The following HPSE2 variants were observed in gnomAD, a reference collection of about 807,000 sequenced individuals.
The protein encoded by HPSE2 is inactive heparanase-2.
In HPSE2, 38 loss-of-function variants were observed where a neutral mutation model predicts 60.5. The ratio of observed to expected loss-of-function variants is 0.63; its 90% CI spans 0.48 to 0.82. The LOEUF (loss-of-function observed/expected upper bound fraction) is 0.82, where lower values mean the gene tolerates loss of function less well. Ranked by LOEUF, HPSE2 falls within the 40% of genes least tolerant of loss-of-function variation. HPSE2 has a pLI of 0.00. For synonymous variants in HPSE2, 295 were observed against 293.2 expected (o/e 1.01, Z -0.06); for missense variants, 713 against 740.4 (o/e 0.96, Z 0.43).
intron 3 of HPSE2, chr10:99,013,132 C>T (rs548897850): frequency 2.8e-5 from 19 of 670,050 alleles, no homozygotes; most frequent in Non-Finnish European, 4.8e-5. Context: ...ATTAACCATT[C>T]AAGTCCTTGG....
At chr10:98,775,699 C>A (rs1950325633) in intron 3 of HPSE2, among the ~76,000 whole-genome samples, 2 of 152,088 alleles carry the variant, frequency 1.3e-5, no homozygotes, top group Admixed American at 6.6e-5. Context: ...TATGGCTTTA[C>A]CCCCTACCTA....
intron 2 of HPSE2, among the ~76,000 whole-genome samples, chr10:99,197,261 A>T (rs1275086194): frequency 6.6e-6 from 1 of 152,154 alleles, no homozygotes; most frequent in Non-Finnish European, 1.5e-5. Flanking sequence ...GAAGATGGTT[A>T]ATGGGTACAA....
At chr10:99,232,711 G>T (rs1470851727) in intron 1 of HPSE2, among the ~76,000 whole-genome samples, 7 of 152,230 alleles carry the variant, frequency 4.6e-5, no homozygotes, top group Non-Finnish European at 8.8e-5. Context: ...TGGGGGCTGT[G>T]CCTCCCGCTT....
chr10:98,970,017 A>T (rs1955911229), intron 3 of HPSE2, among the ~76,000 whole-genome samples: 1 of 151,524 alleles, frequency 6.6e-6, no homozygotes, highest in Non-Finnish European at 1.5e-5. Context: ...GCTGGAGTGC[A>T]ATGGCGTGAT....
intron 9 of HPSE2, among the ~76,000 whole-genome samples, chr10:98,531,533 G>A (rs1220349890): frequency 1.3e-5 from 2 of 152,132 alleles, no homozygotes; most frequent in Non-Finnish European, 2.9e-5. Flanking sequence ...GTGCACGTGC[G>A]GGCTAATAAT....
intron 3 of HPSE2, among the ~76,000 whole-genome samples, chr10:98,944,688 G>A (rs1169994922): frequency 6.6e-6 from 1 of 152,074 alleles, no homozygotes; most frequent in Non-Finnish European, 1.5e-5. Flanking sequence ...TTCCTCAAGG[G>A]ACCCACTAAT....
intron 6 of HPSE2, among the ~76,000 whole-genome samples, chr10:98,666,269 C>G (rs1172998428): frequency 1.3e-5 from 2 of 152,240 alleles, no homozygotes; most frequent in East Asian, 3.9e-4. Context: ...GGAGCACCCA[C>G]CCAGATTTAT....
At chr10:98,633,543 C>T (rs1946420256) in intron 7 of HPSE2, among the ~76,000 whole-genome samples, 1 of 152,130 alleles carries the variant, frequency 6.6e-6, no homozygotes, top group Non-Finnish European at 1.5e-5. Context: ...TTTCTTTCTT[C>T]TAGCTTACTT....
intron 9 of HPSE2, among the ~76,000 whole-genome samples, chr10:98,602,564 T>C (rs890225215): frequency 1.3e-5 from 2 of 152,118 alleles, no homozygotes; most frequent in Admixed American, 1.3e-4. Context: ...GTATTGGCCA[T>C]AATCTCTTGA....
At chr10:99,205,109 A>C (rs1282908112) in intron 2 of HPSE2, among the ~76,000 whole-genome samples, 2 of 152,216 alleles carry the variant, frequency 1.3e-5, no homozygotes, top group African/African-American at 4.8e-5. Flanking sequence ...GTAGGAGGGA[A>C]GCAAGGGCTG....
rs1030424568 is a variant in HPSE2, at chr10:98,771,279, T to C, written c.611-27223A>G. ...TACTCAATCAATTAAGCTGGTCTGT[T>C]ATGCTATCAGGGCTATATTGGAAAA... On this transcript the variant is annotated intron_variant, in intron 3 of 11. Coordinates refer to ENST00000370552, the MANE Select transcript of HPSE2 (RefSeq NM_021828.5). Among the ~76,000 whole-genome samples, 5 of 152,280 alleles carry C rather than the reference T, an allele frequency of 3.3e-5. No homozygotes were observed. In the East Asian group the frequency reaches 9.7e-4, roughly 29 times the overall value.
intron 3 of HPSE2, among the ~76,000 whole-genome samples, chr10:98,919,115 A>G (rs1017229305): frequency 2.0e-5 from 3 of 152,204 alleles, no homozygotes; most frequent in African/African-American, 7.2e-5. Flanking sequence ...TAAAGTGATC[A>G]ATGCTGACTA....
the HPSE2 span, among the ~76,000 whole-genome samples, chr10:99,314,172 T>C: frequency 1.3e-5 from 2 of 152,168 alleles, no homozygotes; most frequent in Admixed American, 1.3e-4. Context: ...TTTTTGGTTT[T>C]GGTTTTTTGA....
At chr10:99,201,213 A>T (rs1589813961) in intron 2 of HPSE2, among the ~76,000 whole-genome samples, 1 of 152,144 alleles carries the variant, frequency 6.6e-6, no homozygotes, top group East Asian at 1.9e-4. Context: ...ATTGCAAAGG[A>T]TATTATCCAG....
At chr10:99,200,541 C>T (rs1237197605) in intron 2 of HPSE2, among the ~76,000 whole-genome samples, 1 of 152,020 alleles carries the variant, frequency 6.6e-6, no homozygotes, top group Non-Finnish European at 1.5e-5. Flanking sequence ...CTTAAACTTC[C>T]TCATTTGTGC....
At chr10:99,221,645 T>C (rs1198287510) in intron 2 of HPSE2, among the ~76,000 whole-genome samples, 3 of 152,132 alleles carry the variant, frequency 2.0e-5, no homozygotes, top group African/African-American at 4.8e-5. Flanking sequence ...CTTTGAAAAG[T>C]AGGCAGAATT....
At chr10:99,136,983 T>C (rs968964493) in intron 3 of HPSE2, among the ~76,000 whole-genome samples, 6 of 152,194 alleles carry the variant, frequency 3.9e-5, no homozygotes, top group African/African-American at 1.4e-4. Flanking sequence ...ATTGTATATT[T>C]AGAAAACCCC....
At chr10:98,860,570 A>G (rs1169466184) in intron 3 of HPSE2, among the ~76,000 whole-genome samples, 1 of 152,174 alleles carries the variant, frequency 6.6e-6, no homozygotes, top group Non-Finnish European at 1.5e-5. Flanking sequence ...TAATATGCCC[A>G]TTTACAGATG....
chr10:98,482,868 T>G, intron 10 of HPSE2, 86 bp from the exon 11 acceptor site: 5 of 1,425,992 alleles, frequency 3.5e-6, no homozygotes, highest in Non-Finnish European at 4.9e-6. Context: ...CTGTACAAAA[T>G]ATGAACAGCC....
Sources: gnomAD v4.1 joint callset for allele counts (sites outside exome capture counted in the v4.1 genomes callset) on GRCh38, gnomAD v4.1.1 for gene constraint, MANE v1.5 for transcripts, NCBI Gene and HGNC (gene_info 2026-07-23, HGNC 2026-07-21) for gene names.